ATRNL1: variants seen among roughly 807,000 people sequenced by gnomAD.
ATRNL1 encodes attractin-like protein 1.
ATRNL1 carries 95 observed loss-of-function variants against 182.7 expected under a neutral mutation model. The ratio of observed to expected loss-of-function variants is 0.52; its 90% confidence interval spans 0.44 to 0.62. The LOEUF is 0.62. Ranked by LOEUF, ATRNL1 falls within the 20% of genes least tolerant of loss-of-function variation. The pLI is 0.00. For synonymous variants in ATRNL1, 576 were observed against 568.3 expected, an observed-to-expected ratio of 1.01 and a Z score of -0.19; for missense variants, 1,471 against 1,679.5, an observed-to-expected ratio of 0.88 and a Z score of 2.17.
At chr10:115,111,454 T>C (rs1844253229) in intron 1 of ATRNL1, among the ~76,000 whole-genome samples, 1 of 152,224 alleles carries the variant, frequency 6.6e-6, no homozygotes, top group South Asian at 2.1e-4. Context: ...CAGCATCTGC[T>C]TGTATTGCGG....
At chr10:115,858,723 G>T (rs1354953273) in intron 28 of ATRNL1, among the ~76,000 whole-genome samples, 1 of 152,068 alleles carries the variant, frequency 6.6e-6, no homozygotes. Flanking sequence ...GGGTAAGTTT[G>T]TGAGGTCCTC....
At chr10:115,655,856 C>A (rs1463335297) in intron 26 of ATRNL1, among the ~76,000 whole-genome samples, 4 of 152,154 alleles carry the variant, frequency 2.6e-5, no homozygotes, top group African/African-American at 9.7e-5. Context: ...TAACTAAGAT[C>A]TTTGCCCTGT....
At chr10:115,860,836 A>G (rs1158101906) in intron 28 of ATRNL1, among the ~76,000 whole-genome samples, 3 of 152,172 alleles carry the variant, frequency 2.0e-5, no homozygotes, top group Non-Finnish European at 4.4e-5. Flanking sequence ...CTAGAAATAG[A>G]GAACAGCTAA....
chr10:115,798,912 C>T (rs782100178), intron 27 of ATRNL1, among the ~76,000 whole-genome samples: 1 of 151,078 alleles, frequency 6.6e-6, no homozygotes, highest in Admixed American at 6.6e-5. Context: ...CCACAACCTC[C>T]GCTTCCTGGG....
At chr10:115,423,264 G>T (rs913554947) in intron 20 of ATRNL1, among the ~76,000 whole-genome samples, 34 of 152,094 alleles carry the variant, frequency 2.2e-4, no homozygotes, top group African/African-American at 7.7e-4. Context: ...GCCAGGTGCG[G>T]TGGCTCAAAC....
chr10:115,318,729 G>T (rs139360525), intron 18 of ATRNL1, among the ~76,000 whole-genome samples: 140 of 152,230 alleles, frequency 9.2e-4, no homozygotes, highest in Non-Finnish European at 9.9e-4. Flanking sequence ...TGTGGGGTCA[G>T]TGGTCATATC....
intron 1 of ATRNL1, among the ~76,000 whole-genome samples, chr10:115,101,044 A>G (rs1843746957): frequency 6.6e-6 from 1 of 152,154 alleles, no homozygotes; most frequent in African/African-American, 2.4e-5. Context: ...CTGAAACACA[A>G]CTGATTTGTG....
chr10:115,203,719 G>A (rs1472292402), intron 8 of ATRNL1, among the ~76,000 whole-genome samples: 3 of 147,508 alleles, frequency 2.0e-5, no homozygotes, highest in Non-Finnish European at 3.0e-5. Context: ...AGCTGGGACT[G>A]CAGAAGTGCA....
At chr10:115,099,352 C>T (rs1233143414) in intron 1 of ATRNL1, among the ~76,000 whole-genome samples, 4 of 152,172 alleles carry the variant, frequency 2.6e-5, no homozygotes, top group African/African-American at 9.7e-5. Flanking sequence ...TGGATTGTTT[C>T]AAATTTTTGG....
At chr10:115,340,814 G>A (rs1220079248) in intron 19 of ATRNL1, among the ~76,000 whole-genome samples, 2 of 151,996 alleles carry the variant, frequency 1.3e-5, no homozygotes, top group Admixed American at 6.6e-5. Flanking sequence ...TTATTGGCAT[G>A]TAGTTGTTCA....
At chr10:115,174,168 G>A (rs1190577185) in intron 8 of ATRNL1, among the ~76,000 whole-genome samples, 2 of 150,944 alleles carry the variant, frequency 1.3e-5, no homozygotes, top group East Asian at 1.9e-4. Flanking sequence ...CTTGATTTTT[G>A]TACGTTCATA....
chr10:115,103,584 AG>A (rs1843874929), intron 1 of ATRNL1, among the ~76,000 whole-genome samples: 1 of 152,186 alleles, frequency 6.6e-6, no homozygotes, highest in African/African-American at 2.4e-5. Flanking sequence ...TAACCACATC[AG>A]GGTAAATAGG....
intron 22 of ATRNL1, 76 bp downstream of exon 22, chr10:115,462,111 T>C: frequency 1.9e-6 from 2 of 1,040,538 alleles, no homozygotes; most frequent in Non-Finnish European, 2.8e-6. Flanking sequence ...TGATTTTACC[T>C]CTTCTCAGAA....
chr10:115,396,561 G>A (rs986107227), intron 20 of ATRNL1, among the ~76,000 whole-genome samples: 1 of 151,842 alleles, frequency 6.6e-6, no homozygotes, highest in Non-Finnish European at 1.5e-5. Flanking sequence ...TATAAGTAAT[G>A]TTTCTCTTGA....
intron 19 of ATRNL1, among the ~76,000 whole-genome samples, chr10:115,380,007 T>C (rs1481238423): frequency 1.3e-5 from 2 of 152,090 alleles, no homozygotes; most frequent in Non-Finnish European, 2.9e-5. Flanking sequence ...TGTTTTTGTA[T>C]TTTTAGTAGA....
intron 26 of ATRNL1, among the ~76,000 whole-genome samples, chr10:115,698,092 A>G (rs1555050384): frequency 2.0e-5 from 3 of 152,180 alleles, no homozygotes; most frequent in Non-Finnish European, 4.4e-5. Context: ...CTTTATAGAT[A>G]CTTTCATAGT....
At chr10:115,368,645 T>C (rs1857210464) in intron 19 of ATRNL1, among the ~76,000 whole-genome samples, 1 of 152,104 alleles carries the variant, frequency 6.6e-6, no homozygotes, top group Non-Finnish European at 1.5e-5. Flanking sequence ...TCTCCTCATT[T>C]CCCATCCCCT....
At chr10:115,261,769 C>T (rs1851401945) in intron 10 of ATRNL1, among the ~76,000 whole-genome samples, 1 of 151,998 alleles carries the variant, frequency 6.6e-6, no homozygotes, top group Non-Finnish European at 1.5e-5. Context: ...TGGTGTGCAC[C>T]TATAATTCCA....
intron 26 of ATRNL1, among the ~76,000 whole-genome samples, chr10:115,706,419 C>T (rs548538379): frequency 2.6e-5 from 4 of 151,952 alleles, no homozygotes; most frequent in East Asian, 1.9e-4. Flanking sequence ...TCTGCAAAGT[C>T]TCTTTTGCCA....
Sources: gnomAD v4.1 joint callset for allele counts (sites outside exome capture counted in the v4.1 genomes callset) on GRCh38, gnomAD v4.1.1 for gene constraint, MANE v1.5 for transcripts, NCBI Gene and HGNC (gene_info 2026-07-23, HGNC 2026-07-21) for gene names.